Variants in ADARB1 observed in about 807,000 individuals in gnomAD.
ADARB1 encodes adenosine deaminase RNA specific B1.
A neutral mutation model predicts 52.4 loss-of-function variants in ADARB1; 10 were observed. That is an observed-to-expected ratio of 0.19 (90% confidence interval 0.12 to 0.32). The LOEUF (loss-of-function observed/expected upper bound fraction) is 0.32, where lower values mean the gene tolerates loss of function less well. ADARB1 is among the 10% of genes least tolerant of loss of function. ADARB1 has a pLI of 1.00. For synonymous variants in ADARB1, 349 were observed against 371.1 expected, an observed-to-expected ratio of 0.94 and a Z score of 0.68; for missense variants, 643 against 922.3, an observed-to-expected ratio of 0.70 and a Z score of 3.92.
At chr21:45,206,315 GCTGT>G (rs2092664272) in intron 9 of ADARB1, among the ~76,000 whole-genome samples, 1 of 152,142 alleles carries the variant, frequency 6.6e-6, no homozygotes, top group Non-Finnish European at 1.5e-5. Context: ...GTTGAATAGC[GCTGT>G]CTAAGCAATA....
At chr21:45,106,111 G>C (rs1466164232) in intron 1 of ADARB1, among the ~76,000 whole-genome samples, 1 of 150,752 alleles carries the variant, frequency 6.6e-6, no homozygotes, top group East Asian at 1.9e-4. Flanking sequence ...TGTTTGCTTT[G>C]TTTTCTCATC....
Position 45,172,240 on chromosome 21 carries a change from G to A in ADARB1, c.28+556G>A, listed in dbSNP as rs566794926. The stretch of plus-strand genomic sequence containing the variant: ...TCTGGTGCCGGGGTGGTGGAAGGCC[G>A]CTGGGGTACGTTGGTGTTTCGGTGA... On this transcript the variant is annotated intron_variant, in intron 3 of 10. Coordinates refer to ENST00000348831, the MANE Select transcript of ADARB1 (RefSeq NM_001112.4). This position sits in a 1 kb window ranked among gnomAD's most constrained non-coding sequence, Gnocchi z 4.4. Among the ~76,000 whole-genome samples the A allele has an allele frequency of 6.6e-6, 1 of 152,244 alleles. No individual in the cohort carries two copies. The highest frequency in any genetic ancestry group is 1.5e-5 in the Non-Finnish European group (1 of 68,016).
intron 2 of ADARB1, among the ~76,000 whole-genome samples, chr21:45,137,952 G>C (rs1019732141): frequency 1.3e-5 from 2 of 152,180 alleles, no homozygotes; most frequent in Non-Finnish European, 2.9e-5. Flanking sequence ...GGCAGGAAAA[G>C]GGCAGACCTG....
At chr21:45,183,994 T>C (rs144963119) in intron 7 of ADARB1, among the ~76,000 whole-genome samples, 144 of 152,364 alleles carry the variant, frequency 9.5e-4, no homozygotes, top group Non-Finnish European at 1.7e-3. Flanking sequence ...GTTTTGTATC[T>C]ACATCCCTTC....
chr21:45,147,252 CA>C (rs2090054763), intron 2 of ADARB1, among the ~76,000 whole-genome samples: 1 of 152,196 alleles, frequency 6.6e-6, no homozygotes, highest in East Asian at 1.9e-4. Flanking sequence ...TTACAGTTTT[CA>C]AATACAGTAA....
chr21:45,194,441 C>G (rs1313547624), intron 8 of ADARB1, among the ~76,000 whole-genome samples: 2 of 113,178 alleles, frequency 1.8e-5, no homozygotes, highest in African/African-American at 4.5e-5. Context: ...CTGTTCACCC[C>G]CTCTCACCTC....
At chr21:45,179,903 C>T (rs1438099334) in intron 4 of ADARB1, among the ~76,000 whole-genome samples, 1 of 151,944 alleles carries the variant, frequency 6.6e-6, no homozygotes, top group Non-Finnish European at 1.5e-5. Flanking sequence ...GCTGACTGAG[C>T]CACACCGTGT....
At chr21:45,104,595 T>C (rs925652758) in intron 1 of ADARB1, among the ~76,000 whole-genome samples, 5 of 152,208 alleles carry the variant, frequency 3.3e-5, no homozygotes, top group African/African-American at 1.2e-4. Context: ...TCATACTTAC[T>C]AGCAATAACC....
intron 2 of ADARB1, among the ~76,000 whole-genome samples, chr21:45,140,292 T>C (rs1194388313): frequency 6.6e-6 from 1 of 152,178 alleles, no homozygotes; most frequent in African/African-American, 2.4e-5. Context: ...GTAGAGAATA[T>C]TCTTACCCCA....
intron 2 of ADARB1, among the ~76,000 whole-genome samples, chr21:45,140,717 A>G (rs11909648): frequency 0.026 from 4,015 of 152,138 alleles, 173 homozygotes; most frequent in African/African-American, 0.089. Context: ...CTTCATTTTT[A>G]CCATTTAGAG....
intron 9 of ADARB1, among the ~76,000 whole-genome samples, chr21:45,215,128 A>T (rs925905973): frequency 2.6e-5 from 4 of 152,070 alleles, no homozygotes; most frequent in Admixed American, 1.3e-4. Context: ...GCTCATTGTA[A>T]CCTGAAACTC....
At chr21:45,212,444 T>C (rs1356498111) in intron 9 of ADARB1, among the ~76,000 whole-genome samples, 1 of 152,150 alleles carries the variant, frequency 6.6e-6, no homozygotes, top group African/African-American at 2.4e-5. Flanking sequence ...TCAGTTCCAC[T>C]GGCAAAACTG....
chr21:45,223,955 G>A lies in ADARB1; in HGVS notation c.*1758G>A, dbSNP rs1043930703. The A allele has an allele frequency of 1.7e-5, 17 of 985,474 alleles. No individual in the cohort carries two copies. Among genetic ancestry groups the A allele is most frequent in the Middle Eastern group, 5.2e-4 (1 of 1,916 alleles). The allele number at this position is 985,474 out of a possible 1,614,324, so 61.0% of individuals were successfully genotyped here. On this transcript the variant is annotated 3_prime_UTR_variant, in exon 11 of 11. Coordinates refer to ENST00000348831, the MANE Select transcript of ADARB1 (RefSeq NM_001112.4). ...CACCGAAGAGGGTAGTTGTCTCCCT[G>A]AAGCAGTCACAGCAGGCGTCTCTGC...
intron 2 of ADARB1, among the ~76,000 whole-genome samples, chr21:45,139,708 T>G (rs1439894386): frequency 1.3e-5 from 2 of 152,240 alleles, no homozygotes; most frequent in Non-Finnish European, 2.9e-5. Context: ...CTCCGTGTTC[T>G]CTTGTTGAGA....
At chr21:45,107,344 C>CT (rs1569013835) in intron 1 of ADARB1, among the ~76,000 whole-genome samples, 1 of 151,748 alleles carries the variant, frequency 6.6e-6, no homozygotes, top group African/African-American at 2.4e-5. Context: ...AAAGACTCAG[C>CT]TTTTTTTTCT....
At chr21:45,180,252 G>A (rs1601806165) in intron 4 of ADARB1, 78 bp from the exon 5 acceptor site, 2 of 995,544 alleles carry the variant, frequency 2.0e-6, no homozygotes, top group East Asian at 2.6e-5. Flanking sequence ...ATAAGGGAGA[G>A]TGCGTGCAGC....
At chr21:45,160,026 G>A (rs1172999127) in intron 2 of ADARB1, among the ~76,000 whole-genome samples, 1 of 152,200 alleles carries the variant, frequency 6.6e-6, no homozygotes, top group East Asian at 1.9e-4. Flanking sequence ...TTTTAATTGG[G>A]TGTTTGTCTA....
intron 7 of ADARB1, among the ~76,000 whole-genome samples, chr21:45,183,741 G>C (rs900207984): frequency 6.6e-6 from 1 of 152,180 alleles, no homozygotes; most frequent in African/African-American, 2.4e-5. Flanking sequence ...TTAGAATGGA[G>C]TGAGAATATT....
rs1473002198 is a variant in ADARB1, at chr21:45,223,753, A to C, written c.*1556A>C. ...GGACGCTGGGAGCTCAGACCCCAAA[A>C]CTGAAACACCGTGGCTTCGGCGGGG... On this transcript the variant is annotated 3_prime_UTR_variant, in exon 11 of 11. Transcript: ENST00000348831. 3.7e-5 allele frequency: 36 copies of C among 985,186 alleles called. No homozygotes were observed. The highest frequency in any genetic ancestry group is 4.2e-5 in the Non-Finnish European group (35 of 829,914). 61.0% of individuals were successfully genotyped at this position (985,186 alleles called of 1,614,324 possible).
Sources: allele counts gnomAD v4.1 joint callset (sites outside exome capture counted in the v4.1 genomes callset), GRCh38; gene constraint gnomAD v4.1.1; non-coding constraint Gnocchi (gnomAD v3.1); transcripts MANE v1.5; gene names NCBI Gene and HGNC (gene_info 2026-07-23, HGNC 2026-07-21).